GALNT8: variants seen among roughly 807,000 people sequenced by gnomAD.
GALNT8 encodes the protein polypeptide N-acetylgalactosaminyltransferase 8, also known as probable polypeptide N-acetylgalactosaminyltransferase 8.
A neutral mutation model predicts 62.7 loss-of-function variants in GALNT8; 66 were observed. The observed-to-expected ratio is 1.05, with a 90% CI of 0.86 to 1.29. The LOEUF is 1.29. Ranked by LOEUF, GALNT8 falls within the 50% of genes most tolerant of loss-of-function variation. GALNT8 has a pLI of 0.00. For missense variants in GALNT8, 771 were observed against 791.8 expected, an observed-to-expected ratio of 0.97 and a Z score of 0.32; for synonymous variants, 288 against 294.3, an observed-to-expected ratio of 0.98 and a Z score of 0.22.
chr12:4,761,915 C>T lies in GALNT8; in HGVS notation c.1359+772C>T, dbSNP rs145397652. Among the ~76,000 whole-genome samples the T allele has an allele frequency of 9.2e-5, 14 of 152,236 alleles. No homozygotes were observed. The East Asian group carries it at 2.1e-3, about 23-fold the overall frequency. On this transcript the variant is annotated intron_variant, in intron 7 of 10. Coordinates refer to ENST00000252318, the MANE Select transcript of GALNT8 (RefSeq NM_017417.2). ...GGTTCTAATGTAGCCCCCAGAAAGA[C>T]AGGGAGTCAGGATGGTGGGTAACTG...
intron 1 of GALNT8, among the ~76,000 whole-genome samples, chr12:4,724,010 G>A (rs1426254284): frequency 4.1e-5 from 6 of 146,028 alleles, no homozygotes; most frequent in Admixed American, 6.9e-5. Context: ...TTAGCTGGGC[G>A]TGGTGGCGGG....
chr12:4,764,322 A>G (rs370514825), intron 9 of GALNT8, among the ~76,000 whole-genome samples: 8 of 152,100 alleles, frequency 5.3e-5, no homozygotes, highest in African/African-American at 7.2e-5. Flanking sequence ...TTGCATTGAC[A>G]ATCACCTCTG....
At chr12:4,734,779 G>C (rs529441422) in intron 2 of GALNT8, among the ~76,000 whole-genome samples, 36 of 152,074 alleles carry the variant, frequency 2.4e-4, no homozygotes, top group African/African-American at 8.7e-4. Flanking sequence ...TGGTCTGTCC[G>C]TCCTCATATC....
intron 3 of GALNT8, among the ~76,000 whole-genome samples, chr12:4,739,655 T>C (rs1946262612): frequency 6.6e-6 from 1 of 151,332 alleles, no homozygotes; most frequent in Non-Finnish European, 1.5e-5. Context: ...CTTTTTTTTT[T>C]TTTCTTTTTC....
At chr12:4,745,661 A>G (rs1946295671) in intron 5 of GALNT8, 35 bp downstream of exon 5, 1 of 1,477,326 alleles carries the variant, frequency 6.8e-7, no homozygotes, top group Non-Finnish European at 9.5e-7. Context: ...CTTGAGTAGC[A>G]TGTGGGAAGG....
chr12:4,744,510 TTGAC>T lies in GALNT8; in HGVS notation c.677-6_677-3del. On this transcript the variant is annotated splice_region_variant and splice_polypyrimidine_tract_variant and intron_variant, in intron 3 of 10. Transcript: ENST00000252318. ...AGAATTTCTATAGGTGTGCACTTGA[TTGAC>T]AGGAGAACTAAAGGTACACTTGGAT... is the stretch of plus-strand genomic sequence containing the variant. 6.3e-7 allele frequency: 1 copy of T among 1,594,802 alleles called. No individual in the cohort carries two copies. The highest frequency in any genetic ancestry group is 8.6e-7 in the Non-Finnish European group (1 of 1,168,138).
At chr12:4,724,522 C>T (rs1368814223) in intron 1 of GALNT8, among the ~76,000 whole-genome samples, 1 of 152,194 alleles carries the variant, frequency 6.6e-6, no homozygotes, top group Non-Finnish European at 1.5e-5. Flanking sequence ...AGGAAGAACG[C>T]AGAGGAGCTC....
chr12:4,732,112 G>C (rs555225934), intron 2 of GALNT8, among the ~76,000 whole-genome samples: 71 of 141,646 alleles, frequency 5.0e-4, no homozygotes, highest in African/African-American at 1.8e-3. Flanking sequence ...TATGTGGCTG[G>C]CATAATTTGC....
In GALNT8 at chr12:4,749,219, C is replaced by T. The variant is rs1055091619; in HGVS notation, c.1173+2961C>T. ...TATTTATTTCTCTTGTCTAATTGCT[C>T]TAGCTAGGACTTCCAGTAGTACACT... is the stretch of plus-strand genomic sequence containing the variant. On this transcript the variant is annotated intron_variant, in intron 6 of 10. Coordinates refer to ENST00000252318, the MANE Select transcript of GALNT8 (RefSeq NM_017417.2). This position sits in a 1 kb window ranked among gnomAD's most constrained non-coding sequence, Gnocchi z 4.1. Among the ~76,000 whole-genome samples the T allele has an allele frequency of 6.6e-6, 1 of 152,090 alleles. No homozygotes were observed. The highest frequency in any genetic ancestry group is 2.4e-5 in the African/African-American group (1 of 41,410).
At chr12:4,745,996 A>G in intron 5 of GALNT8, 148 bp from the exon 6 acceptor site, 1 of 619,348 alleles carries the variant, frequency 1.6e-6, no homozygotes, top group Non-Finnish European at 2.9e-6. Flanking sequence ...AGCTACATGC[A>G]CTTAGTCTTG....
intron 6 of GALNT8, among the ~76,000 whole-genome samples, chr12:4,757,543 A>G (rs1454120275): frequency 1.3e-5 from 2 of 152,156 alleles, no homozygotes; most frequent in African/African-American, 2.4e-5. Flanking sequence ...TCAACACCAT[A>G]TTTGTATTCT....
rs1303416254 is a variant in GALNT8 at position 4,764,567 on chromosome 12, A to G, written c.1593+520A>G. Among the ~76,000 whole-genome samples, 7 of 119,128 alleles carry G rather than the reference A, an allele frequency of 5.9e-5. No homozygotes were observed. In the Admixed American group the frequency reaches 7.1e-4, roughly 12 times the overall value. 78.2% of individuals were successfully genotyped at this position (119,128 alleles called of 152,430 possible). A position where few individuals can be genotyped will look rare whatever the true frequency, so the allele number is the denominator to read the frequency against. ...TTTTTTTTTTTTTTTTTTTTGAGAC[A>G]GAGTCTCGATCTGTCGCCCAGGCTG... On this transcript the variant is annotated intron_variant, in intron 9 of 10. Transcript: ENST00000252318.
At position 4,726,642 on chromosome 12, in the gene GALNT8, G is replaced by C; in HGVS notation, c.322G>C (p.Glu108Gln). Residue 108 changes from glutamate to glutamine, a missense_variant, in exon 2 of 11, where the codon GAG becomes CAG. Glu to Gln is a conservative substitution (Grantham distance 29). Coordinates refer to ENST00000252318, the MANE Select transcript of GALNT8 (RefSeq NM_017417.2). The surrounding 1 kb of genome is among the most constrained non-coding windows in gnomAD (Gnocchi z 4.1). Reference protein sequence around the residue: ...LLKAMETKVNETKKHKTQMKL... With the variant: ...LLKAMETKVNQTKKHKTQMKL... The stretch of plus-strand genomic sequence containing the variant: ...AAAGGCAATGGAAACCAAGGTGAAT[G>C]AGACAAAGAAGCACAAAACCCAAAT... The C allele has an allele frequency of 6.2e-7, 1 of 1,613,896 alleles. No homozygotes were observed. Among genetic ancestry groups the C allele is most frequent in the Non-Finnish European group, 8.5e-7 (1 of 1,179,910 alleles).
intron 1 of GALNT8, among the ~76,000 whole-genome samples, chr12:4,724,526 G>A (rs1017588656): frequency 1.3e-5 from 2 of 152,230 alleles, no homozygotes; most frequent in African/African-American, 4.8e-5. Context: ...AGAACGCAGA[G>A]GAGCTCAGAG....
chr12:4,723,461 C>G (rs1181155248), intron 1 of GALNT8, among the ~76,000 whole-genome samples: 1 of 152,194 alleles, frequency 6.6e-6, no homozygotes, highest in African/African-American at 2.4e-5. Flanking sequence ...AGGACTGTCT[C>G]ACCCATCCCC....
intron 6 of GALNT8, among the ~76,000 whole-genome samples, chr12:4,753,619 A>G (rs1478366968): frequency 6.6e-6 from 1 of 152,136 alleles, no homozygotes; most frequent in Non-Finnish European, 1.5e-5. Flanking sequence ...CAAAACAGCT[A>G]TTTTGAATTT....
At chr12:4,745,227 C>T (rs996322026) in intron 4 of GALNT8, among the ~76,000 whole-genome samples, 3 of 152,144 alleles carry the variant, frequency 2.0e-5, no homozygotes, top group South Asian at 2.1e-4. Flanking sequence ...GTTCTCGATG[C>T]GGGTTGGCTT....
chr12:4,765,317 C>T, intron 9 of GALNT8, 62 bp from the exon 10 acceptor site: 1 of 1,428,686 alleles, frequency 7.0e-7, no homozygotes, highest in Non-Finnish European at 9.2e-7. Context: ...GCTAGGGTCT[C>T]CTGCTGGCTG....
intron 2 of GALNT8, among the ~76,000 whole-genome samples, chr12:4,736,718 A>T (rs1028269147): frequency 2.6e-5 from 4 of 152,216 alleles, no homozygotes; most frequent in Non-Finnish European, 5.9e-5. Flanking sequence ...ACAACGAAGC[A>T]AATTACAATG....
Sources: gnomAD v4.1 joint callset for allele counts (sites outside exome capture counted in the v4.1 genomes callset) on GRCh38, gnomAD v4.1.1 for gene constraint, Gnocchi (gnomAD v3.1) non-coding constraint, MANE v1.5 for transcripts, NCBI Gene and HGNC (gene_info 2026-07-23, HGNC 2026-07-21) for gene names.